Variants in DPH6 observed in about 807,000 individuals in gnomAD.
DPH6 encodes the protein diphthine--ammonia ligase.
In DPH6, 33 loss-of-function variants were observed where a neutral mutation model predicts 38.2. The ratio of observed to expected loss-of-function variants is 0.86; its 90% confidence interval spans 0.65 to 1.15. DPH6 has a LOEUF of 1.15. Among genes scored for constraint, DPH6 ranks in the 50% most tolerant of loss-of-function variants. The probability of loss-of-function intolerance (pLI) is 0.00; values close to 1 mark genes in which losing one functional copy is unlikely to be tolerated. For synonymous variants in DPH6, 108 were observed against 103.0 expected (o/e 1.05, Z -0.30); for missense variants, 325 against 320.0 (o/e 1.02, Z -0.12).
the DPH6 span, among the ~76,000 whole-genome samples, chr15:35,175,236 G>A: frequency 1.2e-4 from 19 of 152,238 alleles, no homozygotes; most frequent in Non-Finnish European, 2.5e-4. Context: ...ACCTGAAGTC[G>A]ATAAGGCCAT....
chr15:35,362,024 A>C (rs1043101303), intron 3 of DPH6, among the ~76,000 whole-genome samples: 1 of 151,808 alleles, frequency 6.6e-6, no homozygotes, highest in Admixed American at 6.6e-5. Context: ...TATTTGTTAC[A>C]TTTTTTGCAT....
In DPH6 at chr15:35,387,593, T is replaced by C. The variant is rs545607148; in HGVS notation, c.568-5677A>G. Among the ~76,000 whole-genome samples, 13 of 152,308 alleles carry C rather than the reference T, an allele frequency of 8.5e-5. No homozygotes were observed. The South Asian group carries it at 1.7e-3, about 19-fold the overall frequency. ...AGTTGGATTCCTAGGTATTTTCTTC[T>C]GTTTGAAGCAATTGTGAATGGCAGT... On this transcript the variant is annotated intron_variant, in intron 6 of 8. Transcript: ENST00000256538.
chr15:35,154,093 A>G, the DPH6 span, among the ~76,000 whole-genome samples: 2 of 152,188 alleles, frequency 1.3e-5, no homozygotes, highest in East Asian at 3.9e-4. Context: ...AATTAGGAGG[A>G]ATAATTTGGG....
chr15:35,270,640 A>G (rs1006242212), intron 3 of DPH6, among the ~76,000 whole-genome samples: 1 of 152,190 alleles, frequency 6.6e-6, no homozygotes, highest in Admixed American at 6.5e-5. Context: ...ACCTAGAAAA[A>G]ACCTAAGTTA....
At chr15:35,169,999 C>T in the DPH6 span, among the ~76,000 whole-genome samples, 1 of 152,126 alleles carries the variant, frequency 6.6e-6, no homozygotes, top group East Asian at 1.9e-4. Flanking sequence ...TCAAATGCAC[C>T]TATAGCAAGG....
At chr15:35,478,957 T>C (rs1197824765) in intron 3 of DPH6, among the ~76,000 whole-genome samples, 1 of 152,002 alleles carries the variant, frequency 6.6e-6, no homozygotes, top group Non-Finnish European at 1.5e-5. Flanking sequence ...TAGTAACAAC[T>C]GCAAGAAAGA....
rs577921057 is a variant in DPH6 at position 35,420,087 on chromosome 15, T to C, written c.506-9191A>G. 2.0e-5 allele frequency among the ~76,000 whole-genome samples: 3 copies of C among 152,290 alleles called. No individual in the cohort carries two copies. In the East Asian group the frequency reaches 5.8e-4, roughly 29 times the overall value. On this transcript the variant is annotated intron_variant, in intron 5 of 8. Coordinates refer to ENST00000256538, the MANE Select transcript of DPH6 (RefSeq NM_080650.4). Reference sequence around the variant, plus strand: ...AGGTTAAAATCATGTCAAGTATCTTTTTCAACCACAATGCTATGAAACTAG... The same window carrying C: ...AGGTTAAAATCATGTCAAGTATCTTCTTCAACCACAATGCTATGAAACTAG...
At chr15:35,455,389 G>A (rs2053983604) in intron 3 of DPH6, among the ~76,000 whole-genome samples, 1 of 152,122 alleles carries the variant, frequency 6.6e-6, no homozygotes, top group Admixed American at 6.5e-5. Flanking sequence ...CAACATAGTT[G>A]CAACTGAGAG....
intron 3 of DPH6, among the ~76,000 whole-genome samples, chr15:35,528,781 A>G (rs1195315848): frequency 6.6e-6 from 1 of 152,188 alleles, no homozygotes; most frequent in Non-Finnish European, 1.5e-5. Flanking sequence ...ACCTATTACA[A>G]TGCATATTGA....
rs994496797 is a variant in DPH6, at chr15:35,359,809, A to T, written n.207+13712T>A. On this transcript the variant is annotated intron_variant and non_coding_transcript_variant, in intron 3 of 3. Coordinates refer to the DPH6 transcript ENST00000558973. ...TTTGGAGTCATCTTCTAAGTTTTTC[A>T]GTTCAGTCATTGTATTCTTCAGTTC... is the stretch of plus-strand genomic sequence containing the variant. Among the ~76,000 whole-genome samples the T allele has an allele frequency of 1.4e-4, 22 of 151,874 alleles. 1 individual carries two copies. Among genetic ancestry groups the T allele is most frequent in the African/African-American group, 5.3e-4 (22 of 41,272 alleles).
chr15:35,255,428 G>A (rs2051701224), intron 3 of DPH6, among the ~76,000 whole-genome samples: 1 of 152,098 alleles, frequency 6.6e-6, no homozygotes, highest in Non-Finnish European at 1.5e-5. Flanking sequence ...ATGATAAATG[G>A]TCTAAAATTC....
chr15:35,360,220 T>C (rs1158845241), intron 3 of DPH6, among the ~76,000 whole-genome samples: 1 of 152,148 alleles, frequency 6.6e-6, no homozygotes, highest in African/African-American at 2.4e-5. Context: ...AAGATCACGA[T>C]TAACTGGGGC....
chr15:35,425,869 C>T (rs1249584441), intron 5 of DPH6, among the ~76,000 whole-genome samples: 1 of 149,820 alleles, frequency 6.7e-6, no homozygotes, highest in East Asian at 1.9e-4. Context: ...ATAACCAGCA[C>T]CAAAAAGTTA....
intron 3 of DPH6, among the ~76,000 whole-genome samples, chr15:35,499,496 C>T (rs554238061): frequency 7.9e-5 from 12 of 152,190 alleles, no homozygotes; most frequent in Admixed American, 7.2e-4. Flanking sequence ...CTATCCCACT[C>T]CTATGGAAAT....
intron 3 of DPH6, among the ~76,000 whole-genome samples, chr15:35,518,347 G>C (rs2054875638): frequency 1.3e-5 from 2 of 152,002 alleles, no homozygotes; most frequent in African/African-American, 4.8e-5. Context: ...CTTCTTCGTA[G>C]CTGGTGGAGA....
chr15:35,285,871 A>ATTTTTTTTTTTTTTTTTT lies in DPH6; in HGVS notation n.201-65290_201-65289insAAAAAAAAAAAAAAAAAA, dbSNP rs1566859769. Among the ~76,000 whole-genome samples, 21 of 2,842 alleles carry ATTTTTTTTTTTTTTTTTT rather than the reference A, an allele frequency of 7.4e-3. 1 individual carries two copies. The highest frequency in any genetic ancestry group is 0.042 in the South Asian group (4 of 96). 1.9% of individuals were successfully genotyped at this position (2,842 alleles called of 152,430 possible). Reference sequence around the variant, plus strand: ...TGACTCAATTATCATTTTATCTTTGAGTTTTTTTTTTTTTTTTTACCTGAG... The same window carrying ATTTTTTTTTTTTTTTTTT: ...TGACTCAATTATCATTTTATCTTTGATTTTTTTTTTTTTTTTTTGTTTTTTTTTTTTTTTTTACCTGAG... On this transcript the variant is annotated intron_variant and non_coding_transcript_variant, in intron 3 of 3. Coordinates refer to the DPH6 transcript ENST00000560386.
chr15:35,374,826 G>C (rs971794587), intron 7 of DPH6, among the ~76,000 whole-genome samples: 1 of 152,042 alleles, frequency 6.6e-6, no homozygotes, highest in African/African-American at 2.4e-5. Context: ...AGCAGAAAGA[G>C]AAAGTACAGA....
chr15:35,495,366 C>T (rs543491887), intron 3 of DPH6, among the ~76,000 whole-genome samples: 1 of 152,210 alleles, frequency 6.6e-6, no homozygotes, highest in Non-Finnish European at 1.5e-5. Context: ...AGAGAGGCCT[C>T]AGAATGAAAC....
intron 3 of DPH6, among the ~76,000 whole-genome samples, chr15:35,270,432 G>A (rs945796269): frequency 6.6e-6 from 1 of 152,086 alleles, no homozygotes; most frequent in Non-Finnish European, 1.5e-5. Flanking sequence ...TCTGGGCTTT[G>A]GTTCTCAAAT....
Sources: allele counts gnomAD v4.1 joint callset (sites outside exome capture counted in the v4.1 genomes callset), GRCh38; gene constraint gnomAD v4.1.1; transcripts MANE v1.5; gene names NCBI Gene and HGNC (gene_info 2026-07-23, HGNC 2026-07-21).